The following ESRRB variants were observed in gnomAD, a reference collection of about 807,000 sequenced individuals.
ESRRB encodes estrogen related receptor beta, also known as steroid hormone receptor ERR2.
ESRRB carries 16 observed loss-of-function variants against 46.0 expected under a neutral mutation model. The observed-to-expected ratio is 0.35, with a 90% confidence interval of 0.24 to 0.53. The LOEUF (loss-of-function observed/expected upper bound fraction) is 0.53. ESRRB is among the 20% of genes least tolerant of loss of function. The pLI is 0.93. For synonymous variants in ESRRB, 246 were observed against 259.6 expected, an observed-to-expected ratio of 0.95 and a Z score of 0.50; for missense variants, 488 against 607.4, an observed-to-expected ratio of 0.80 and a Z score of 2.07.
chr14:76,394,552 C>T (rs763035181), intron 1 of ESRRB, among the ~76,000 whole-genome samples: 9 of 152,192 alleles, frequency 5.9e-5, no homozygotes, highest in Non-Finnish European at 1.3e-4. Flanking sequence ...TTTGCTCCAG[C>T]GCCCTCATTT....
chr14:76,418,667 T>G (rs564572208), intron 1 of ESRRB, among the ~76,000 whole-genome samples: 1 of 152,272 alleles, frequency 6.6e-6, no homozygotes, highest in Non-Finnish European at 1.5e-5. Context: ...CAGGCTGGAG[T>G]GCAGTGGAGC....
chr14:76,393,957 T>C (rs958377976), intron 1 of ESRRB, among the ~76,000 whole-genome samples: 2 of 147,316 alleles, frequency 1.4e-5, no homozygotes, highest in African/African-American at 5.0e-5. Context: ...TGCACCAACA[T>C]GCCTGGCTAA....
At chr14:76,470,457 C>G (rs1281551684) in intron 3 of ESRRB, among the ~76,000 whole-genome samples, 1 of 152,174 alleles carries the variant, frequency 6.6e-6, no homozygotes, top group African/African-American at 2.4e-5. Flanking sequence ...CAGTTCTTCC[C>G]ATCTCACAGA....
At chr14:76,428,505 G>A (rs766267794) in intron 1 of ESRRB, among the ~76,000 whole-genome samples, 5 of 152,126 alleles carry the variant, frequency 3.3e-5, no homozygotes, top group African/African-American at 4.8e-5. Context: ...GCCCAGAGCT[G>A]GCCAAGGCTA....
intron 2 of ESRRB, among the ~76,000 whole-genome samples, chr14:76,453,423 T>C (rs1484805546): frequency 6.6e-6 from 1 of 152,136 alleles, no homozygotes; most frequent in Non-Finnish European, 1.5e-5. Context: ...AACAAAGCCC[T>C]TGATAGTAGA....
In ESRRB at chr14:76,396,763, G is replaced by A. The variant is rs139358375; in HGVS notation, c.50+20312G>A. On this transcript the variant is annotated intron_variant, in intron 1 of 6. Coordinates refer to ENST00000644823, the MANE Select transcript of ESRRB (RefSeq NM_001379180.1). ...ACAAACCCAGACAGAGGCTTAGCCC[G>A]GAGGCTCAACTTCCGGAGGCTCAAC... is the stretch of plus-strand genomic sequence containing the variant. Among the ~76,000 whole-genome samples, 1,034 of 152,282 alleles carry A rather than the reference G, an allele frequency of 6.8e-3. 18 individuals are homozygous for A. The highest frequency in any genetic ancestry group is 0.024 in the African/African-American group (980 of 41,544).
chr14:76,434,672 G>GAAAAGAA (rs1440580509), intron 1 of ESRRB, among the ~76,000 whole-genome samples: 2 of 142,618 alleles, frequency 1.4e-5, no homozygotes, highest in Non-Finnish European at 1.5e-5. Context: ...AAAAAAAAAA[G>GAAAAGAA]AAAAGAAAAA....
chr14:76,406,615 G>T (rs1027362827), intron 1 of ESRRB, among the ~76,000 whole-genome samples: 7 of 152,120 alleles, frequency 4.6e-5, no homozygotes, highest in African/African-American at 1.2e-4. Flanking sequence ...TATGATGGCA[G>T]GCACCTGTAA....
chr14:76,475,735 T>G (rs1405127051), intron 3 of ESRRB, among the ~76,000 whole-genome samples: 8 of 152,242 alleles, frequency 5.3e-5, no homozygotes. Context: ...TTTGGGGGTG[T>G]ATACCTAAGA....
At chr14:76,433,900 C>G (rs781219658) in intron 1 of ESRRB, among the ~76,000 whole-genome samples, 2 of 152,106 alleles carry the variant, frequency 1.3e-5, no homozygotes, top group African/African-American at 2.4e-5. Flanking sequence ...TTTCCTTTTC[C>G]CACACCTCTG....
chr14:76,467,775 T>C (rs1889181266), intron 3 of ESRRB, among the ~76,000 whole-genome samples: 1 of 152,066 alleles, frequency 6.6e-6, no homozygotes, highest in African/African-American at 2.4e-5. Flanking sequence ...AACCACTAGC[T>C]GCATTTCCTA....
At chr14:76,407,883 G>A (rs1367940751) in intron 1 of ESRRB, among the ~76,000 whole-genome samples, 1 of 152,200 alleles carries the variant, frequency 6.6e-6, no homozygotes, top group African/African-American at 2.4e-5. Context: ...TAATTTGCTT[G>A]TGCCAGGCAG....
chr14:76,453,545 C>T (rs1453141936), intron 2 of ESRRB, among the ~76,000 whole-genome samples: 1 of 151,004 alleles, frequency 6.6e-6, no homozygotes, highest in Non-Finnish European at 1.5e-5. Context: ...CGTATTTTCT[C>T]TTATGTATGT....
At chr14:76,326,736 C>G (rs1170935588) in intron 1 of ESRRB, among the ~76,000 whole-genome samples, 2 of 152,236 alleles carry the variant, frequency 1.3e-5, no homozygotes, top group Non-Finnish European at 2.9e-5. Flanking sequence ...CGACTCCCTC[C>G]TCCTCTCCCA....
At chr14:76,483,765 G>A (rs1005353435) in intron 5 of ESRRB, among the ~76,000 whole-genome samples, 7 of 152,126 alleles carry the variant, frequency 4.6e-5, no homozygotes, top group Non-Finnish European at 8.8e-5. Flanking sequence ...CTGTAGATCC[G>A]TTTTTGGTTT....
In ESRRB at chr14:76,500,817, T is replaced by C. The variant is rs1890633388; in HGVS notation, c.*2359T>C. On this transcript the variant is annotated 3_prime_UTR_variant, in exon 7 of 7. Coordinates refer to ENST00000644823, the MANE Select transcript of ESRRB (RefSeq NM_001379180.1). ...GAGTGACCTCACTTCAGAGCCCCTC[T>C]AGCAGAGTGGGGCGGAAGTCCTGAT... 2 of 1,378,212 alleles carry C rather than the reference T, an allele frequency of 1.5e-6. No homozygotes were observed. Among genetic ancestry groups the C allele is most frequent in the African/African-American group, 2.8e-5 (2 of 70,188 alleles). 85.4% of individuals were successfully genotyped at this position (1,378,212 alleles called of 1,614,324 possible).
Position 76,500,463 on chromosome 14 carries a change from A to C in ESRRB, c.*2005A>C. ...CTTGGCATCAAGGAACACCAGCTAC[A>C]AACCAAGTCTAGCACAGTGTTTAGA... On this transcript the variant is annotated 3_prime_UTR_variant, in exon 7 of 7. Transcript: ENST00000644823. The C allele has an allele frequency of 1.7e-6, 1 of 597,148 alleles. No individual in the cohort carries two copies. The allele number at this position is 597,148 out of a possible 1,614,324, so 37.0% of individuals were successfully genotyped here. A position where few individuals can be genotyped will look rare whatever the true frequency, so the allele number is the denominator to read the frequency against.
chr14:76,314,390 G>C (rs916289046), intron 1 of ESRRB, among the ~76,000 whole-genome samples: 3 of 152,124 alleles, frequency 2.0e-5, no homozygotes, highest in Admixed American at 2.0e-4. Context: ...TCCCCAGATC[G>C]CTTCTCCTGC....
intron 1 of ESRRB, among the ~76,000 whole-genome samples, chr14:76,417,285 A>G (rs1012561430): frequency 1.8e-4 from 28 of 152,176 alleles, no homozygotes; most frequent in African/African-American, 6.8e-4. Context: ...GGGAGCAGTC[A>G]GTGCAAAGGC....
Sources: gnomAD v4.1 joint callset for allele counts (sites outside exome capture counted in the v4.1 genomes callset) on GRCh38, gnomAD v4.1.1 for gene constraint, MANE v1.5 for transcripts, NCBI Gene and HGNC (gene_info 2026-07-23, HGNC 2026-07-21) for gene names.